Variants in MNAT1 observed in about 807,000 individuals in gnomAD.
MNAT1 encodes the protein MNAT1 component of CDK activating kinase.
In MNAT1, 43 loss-of-function variants were observed where a neutral mutation model predicts 42.0. That is an observed-to-expected ratio of 1.02 (90% CI 0.80 to 1.32). The LOEUF is 1.32. Among genes scored for constraint, MNAT1 ranks in the 40% most tolerant of loss-of-function variants. The pLI is 0.00. For missense variants in MNAT1, 306 were observed against 350.4 expected (o/e 0.87, Z 1.01); for synonymous variants, 118 against 120.0 (o/e 0.98, Z 0.11).
At chr14:60,785,790 G>C (rs4151189) in intron 1 of MNAT1, among the ~76,000 whole-genome samples, 1,985 of 152,186 alleles carry the variant, frequency 0.013, 44 homozygotes, top group African/African-American at 0.046. Flanking sequence ...CATTTGACAA[G>C]GCACCTGGCA....
At chr14:60,747,183 A>G (rs989707963) in intron 1 of MNAT1, among the ~76,000 whole-genome samples, 4 of 151,312 alleles carry the variant, frequency 2.6e-5, no homozygotes, top group Admixed American at 6.6e-5. Flanking sequence ...ATGGGGTTTC[A>G]CCATGTTAGC....
intron 7 of MNAT1, among the ~76,000 whole-genome samples, chr14:60,894,287 T>G (rs762225955): frequency 6.6e-6 from 1 of 151,964 alleles, no homozygotes; most frequent in Non-Finnish European, 1.5e-5. Flanking sequence ...GTTTTTTTTT[T>G]TTAAAATAAT....
intron 4 of MNAT1, chr14:60,808,707 A>G: frequency 5.5e-6 from 1 of 182,804 alleles, no homozygotes; most frequent in South Asian, 1.6e-4. Context: ...CTGCCTGTAT[A>G]ATCTTCTGGT....
chr14:60,787,251 T>C (rs553391880), intron 1 of MNAT1, among the ~76,000 whole-genome samples: 2 of 152,348 alleles, frequency 1.3e-5, no homozygotes, highest in East Asian at 1.9e-4. Flanking sequence ...ACACAAACTT[T>C]TTGATTTCTT....
chr14:60,895,447 A>G (rs1362620090), intron 7 of MNAT1, among the ~76,000 whole-genome samples: 2 of 152,214 alleles, frequency 1.3e-5, no homozygotes, highest in East Asian at 3.8e-4. Context: ...ACAGTTGTCC[A>G]TGTCGTTGCT....
chr14:60,765,800 A>G (rs1432757140), intron 1 of MNAT1, among the ~76,000 whole-genome samples: 1 of 152,140 alleles, frequency 6.6e-6, no homozygotes, highest in African/African-American at 2.4e-5. Context: ...AAAAATTTTG[A>G]GCTTTTATTT....
chr14:60,843,100 G>A (rs1262711761), intron 6 of MNAT1, among the ~76,000 whole-genome samples: 2 of 152,140 alleles, frequency 1.3e-5, no homozygotes, highest in Admixed American at 1.3e-4. Flanking sequence ...TAAAGCAGCT[G>A]GCTGGGCACA....
intron 1 of MNAT1, among the ~76,000 whole-genome samples, chr14:60,783,137 G>A (rs1448502948): frequency 2.0e-5 from 3 of 152,148 alleles, no homozygotes; most frequent in Admixed American, 6.5e-5. Flanking sequence ...TGTCAAGTGG[G>A]TCTAAGCTTT....
chr14:60,940,609 G>C (rs1428477428), intron 7 of MNAT1, among the ~76,000 whole-genome samples: 3 of 152,064 alleles, frequency 2.0e-5, no homozygotes, highest in East Asian at 1.9e-4. Flanking sequence ...AGTAGAGAGG[G>C]GGTTTCACTG....
intron 1 of MNAT1, among the ~76,000 whole-genome samples, chr14:60,745,575 C>A (rs574108019): frequency 1.3e-5 from 2 of 152,080 alleles, no homozygotes; most frequent in Admixed American, 6.6e-5. Flanking sequence ...TACCACCACG[C>A]CTGGCTAATT....
intron 6 of MNAT1, among the ~76,000 whole-genome samples, chr14:60,869,040 A>ATATATT (rs1465360826): frequency 4.4e-5 from 5 of 113,054 alleles, no homozygotes; most frequent in African/African-American, 1.7e-4. Flanking sequence ...ATATATATAT[A>ATATATT]TTTTTTTTTT....
rs2031400366 is a variant in MNAT1, at chr14:60,780,042, A to T, written c.90-16175A>T. ...CGTGGGAGTGCCGAAATCGTGGACG[A>T]GTTCTTCTCATTCGGCATCAACAGC... On this transcript the variant is annotated intron_variant, in intron 1 of 7. Coordinates refer to ENST00000261245, the MANE Select transcript of MNAT1 (RefSeq NM_002431.4). 4 of 1,518,038 alleles carry T rather than the reference A, an allele frequency of 2.6e-6. No individual in the cohort carries two copies. In the Admixed American group the frequency reaches 6.7e-5, roughly 25 times the overall value. The allele number at this position is 1,518,038 out of a possible 1,614,324, so 94.0% of individuals were successfully genotyped here.
intron 6 of MNAT1, among the ~76,000 whole-genome samples, chr14:60,824,706 A>T (rs1372459965): frequency 2.0e-5 from 3 of 152,232 alleles, no homozygotes; most frequent in African/African-American, 7.2e-5. Flanking sequence ...ATGATTGTTT[A>T]GAATATTGAA....
intron 6 of MNAT1, among the ~76,000 whole-genome samples, chr14:60,851,496 T>TCA (rs2033818902): frequency 2.0e-5 from 3 of 152,190 alleles, no homozygotes; most frequent in African/African-American, 7.2e-5. Context: ...CACACTTTGG[T>TCA]AATTCTCACA....
chr14:60,918,198 CTT>C (rs386381525), intron 7 of MNAT1, among the ~76,000 whole-genome samples: 187 of 48,544 alleles, frequency 3.9e-3, no homozygotes, highest in Non-Finnish European at 6.6e-3. Flanking sequence ...ATTAATTGTT[CTT>C]TTTTTTTTTT....
chr14:60,952,054 A>G lies in MNAT1; in HGVS notation c.810-16175A>G, dbSNP rs1021660646. 3.9e-5 allele frequency among the ~76,000 whole-genome samples: 6 copies of G among 152,318 alleles called. No homozygotes were observed. The East Asian group carries it at 9.6e-4, about 24-fold the overall frequency. On this transcript the variant is annotated intron_variant, in intron 7 of 7. Transcript: ENST00000261245. ...GCAAAATTTTCCTAGGAGCTGTTTC[A>G]TAGACAGAAGAGTATTTTGTAGATC...
intron 3 of MNAT1, among the ~76,000 whole-genome samples, chr14:60,801,504 T>G (rs1209289196): frequency 6.6e-6 from 1 of 152,030 alleles, no homozygotes; most frequent in African/African-American, 2.4e-5. Flanking sequence ...AGCAAGAAAA[T>G]ACTTGATTAG....
At chr14:60,784,574 G>A (rs781707778) in intron 1 of MNAT1, among the ~76,000 whole-genome samples, 66 of 149,962 alleles carry the variant, frequency 4.4e-4, no homozygotes, top group Admixed American at 2.9e-3. Flanking sequence ...TCCGCCTCCC[G>A]GGTTCAAGCA....
chr14:60,957,586 A>G (rs1249897376), intron 7 of MNAT1, among the ~76,000 whole-genome samples: 1 of 152,206 alleles, frequency 6.6e-6, no homozygotes, highest in Non-Finnish European at 1.5e-5. Flanking sequence ...CTACAATTCA[A>G]GATGAAAATT....
Sources: allele counts gnomAD v4.1 joint callset (sites outside exome capture counted in the v4.1 genomes callset), GRCh38; gene constraint gnomAD v4.1.1; transcripts MANE v1.5; gene names NCBI Gene and HGNC (gene_info 2026-07-23, HGNC 2026-07-21).